The following ESRRB variants were observed in gnomAD, a reference collection of about 807,000 sequenced individuals.
The protein encoded by ESRRB is estrogen related receptor beta.
A neutral mutation model predicts 46.0 loss-of-function variants in ESRRB; 16 were observed. That is an observed-to-expected ratio of 0.35 (90% CI 0.24 to 0.53). The LOEUF (loss-of-function observed/expected upper bound fraction) is 0.53, where lower values mean the gene tolerates loss of function less well. ESRRB is among the 20% of genes least tolerant of loss of function. The probability of loss-of-function intolerance (pLI) is 0.93; values close to 1 mark genes in which losing one functional copy is unlikely to be tolerated. For missense variants in ESRRB, 488 were observed against 607.4 expected, an observed-to-expected ratio of 0.80 and a Z score of 2.07; for synonymous variants, 246 against 259.6, an observed-to-expected ratio of 0.95 and a Z score of 0.50.
chr14:76,323,933 A>C (rs1291647549), intron 1 of ESRRB, among the ~76,000 whole-genome samples: 3 of 152,160 alleles, frequency 2.0e-5, no homozygotes. Context: ...TGACGAAGGC[A>C]TGTAAGTATC....
intron 1 of ESRRB, chr14:76,404,265 T>C (rs1886073820): frequency 1.3e-5 from 2 of 151,898 alleles, no homozygotes; most frequent in South Asian, 2.1e-4. Context: ...AAACAGTGTG[T>C]CTGCATATGT....
intron 5 of ESRRB, among the ~76,000 whole-genome samples, chr14:76,486,707 A>G (rs1890036503): frequency 6.6e-6 from 1 of 152,184 alleles, no homozygotes; most frequent in Non-Finnish European, 1.5e-5. Flanking sequence ...AAGTGGGAGC[A>G]TGAGGAGCCA....
chr14:76,320,740 C>G (rs1555388772), intron 1 of ESRRB, among the ~76,000 whole-genome samples: 2 of 152,136 alleles, frequency 1.3e-5, no homozygotes, highest in Non-Finnish European at 2.9e-5. Flanking sequence ...CCTCATGGGT[C>G]AGGGGTGGTG....
intron 1 of ESRRB, among the ~76,000 whole-genome samples, chr14:76,363,424 T>G (rs993810806): frequency 7.2e-5 from 11 of 152,218 alleles, no homozygotes; most frequent in African/African-American, 2.7e-4. Flanking sequence ...TTCCTTTTCT[T>G]CACCTCCTCC....
chr14:76,405,159 G>A (rs1282877366), intron 1 of ESRRB, among the ~76,000 whole-genome samples: 1 of 152,086 alleles, frequency 6.6e-6, no homozygotes, highest in Non-Finnish European at 1.5e-5. Context: ...GGAGTGCAGT[G>A]GCGTGATCAG....
intron 1 of ESRRB, among the ~76,000 whole-genome samples, chr14:76,364,470 C>T (rs1191191103): frequency 1.3e-5 from 2 of 152,048 alleles, no homozygotes; most frequent in Non-Finnish European, 2.9e-5. Context: ...GGGTGGATCA[C>T]CTGAGATCAG....
intron 1 of ESRRB, among the ~76,000 whole-genome samples, chr14:76,423,300 C>T (rs1490418093): frequency 2.6e-5 from 4 of 152,010 alleles, no homozygotes; most frequent in East Asian, 1.9e-4. Context: ...TGTGCCACCA[C>T]ACCTGGCTAA....
rs766262301 is a variant in ESRRB, at chr14:76,499,930, C to G, written c.*1472C>G. On this transcript the variant is annotated 3_prime_UTR_variant, in exon 7 of 7. Coordinates refer to ENST00000644823, the MANE Select transcript of ESRRB (RefSeq NM_001379180.1). ...ATGTCAAGCCATGATGGAAAATGCC[C>G]CTTCCAATCAGCTGCCTTCACAAGC... 1 of 1,613,972 alleles carries G rather than the reference C, an allele frequency of 6.2e-7. No individual in the cohort carries two copies. The highest frequency in any genetic ancestry group is 1.7e-5 in the Admixed American group (1 of 60,000).
At chr14:76,346,629 T>A (rs1884253700) in intron 1 of ESRRB, among the ~76,000 whole-genome samples, 1 of 152,096 alleles carries the variant, frequency 6.6e-6, no homozygotes, top group African/African-American at 2.4e-5. Context: ...CTCCTTCCCA[T>A]CCCTCAGGCA....
At chr14:76,317,149 T>A (rs1170982138) in intron 1 of ESRRB, among the ~76,000 whole-genome samples, 4 of 127,886 alleles carry the variant, frequency 3.1e-5, no homozygotes, top group Non-Finnish European at 7.4e-5. Context: ...TGCTCTCGTT[T>A]GGAAGACAGG....
intron 1 of ESRRB, among the ~76,000 whole-genome samples, chr14:76,387,319 G>A (rs559048418): frequency 6.4e-4 from 97 of 152,308 alleles, no homozygotes; most frequent in South Asian, 2.5e-3. Context: ...TCACAGCCCC[G>A]GGTACGGGGA....
intron 1 of ESRRB, among the ~76,000 whole-genome samples, chr14:76,330,798 C>A (rs946873176): frequency 6.6e-6 from 1 of 152,042 alleles, no homozygotes; most frequent in East Asian, 1.9e-4. Flanking sequence ...CAAAGGGAGG[C>A]AGGTCTGGGG....
chr14:76,357,764 C>T lies in ESRRB; in HGVS notation c.2+46848C>T, dbSNP rs545989783. On this transcript the variant is annotated intron_variant, in intron 1 of 6. Coordinates refer to the ESRRB transcript ENST00000512784. Reference sequence around the variant, plus strand: ...TGCCTGGTCTCAGGTGATCCTCTCACCTTGGCCTCCCGAGTAGCTGGGATT... The same window carrying T: ...TGCCTGGTCTCAGGTGATCCTCTCATCTTGGCCTCCCGAGTAGCTGGGATT... Among the ~76,000 whole-genome samples, 8 of 152,316 alleles carry T rather than the reference C, an allele frequency of 5.3e-5. No homozygotes were observed. In the South Asian group the frequency reaches 1.7e-3, roughly 32 times the overall value.
chr14:76,323,766 C>T (rs1054856171), intron 1 of ESRRB, among the ~76,000 whole-genome samples: 2 of 152,136 alleles, frequency 1.3e-5, no homozygotes, highest in Admixed American at 6.5e-5. Context: ...GTCAACTTCC[C>T]GAGTGGTGGC....
At chr14:76,391,869 T>G (rs1885483463) in intron 1 of ESRRB, among the ~76,000 whole-genome samples, 1 of 152,126 alleles carries the variant, frequency 6.6e-6, no homozygotes, top group African/African-American at 2.4e-5. Flanking sequence ...AAGCCACACA[T>G]AGCTGGGGCA....
At chr14:76,317,310 CTGTGTGTGTGTGTGTGTG>C (rs4024313) in intron 1 of ESRRB, among the ~76,000 whole-genome samples, 15 of 134,444 alleles carry the variant, frequency 1.1e-4, no homozygotes, top group Non-Finnish European at 2.2e-4. Flanking sequence ...TGATTAGGCT[CTGTGTGTGTGTGTGTGTG>C]TGTGTGTGTG....
chr14:76,376,165 G>A lies in ESRRB; in HGVS notation c.-237G>A, dbSNP rs146480031. ...TCTCTTGTGCCCCAGCCTCCTCCAC[G>A]GCTTCGCATCCCCTCTGCCCGCTCT... On this transcript the variant is annotated 5_prime_UTR_variant, in exon 1 of 7. Transcript: ENST00000644823. The surrounding 1 kb of genome is among the most constrained non-coding windows in gnomAD (Gnocchi z 4.1). The A allele has an allele frequency of 2.7e-4, 105 of 386,774 alleles. No homozygotes were observed. The highest frequency in any genetic ancestry group is 2.1e-3 in the African/African-American group (101 of 48,418). The allele number at this position is 386,774 out of a possible 1,614,324, so 24.0% of individuals were successfully genotyped here.
Position 76,343,470 on chromosome 14 carries a change from G to A in ESRRB, c.2+32554G>A, listed in dbSNP as rs112871620. Among the ~76,000 whole-genome samples, 419 of 152,370 alleles carry A rather than the reference G, an allele frequency of 2.7e-3. 2 individuals carry two copies. The highest frequency in any genetic ancestry group is 0.01 in the Middle Eastern group (3 of 294). On this transcript the variant is annotated intron_variant, in intron 1 of 6. Transcript: ENST00000512784. Reference sequence around the variant, plus strand: ...TTTTGCTAACAAATCTGAAATGTGGGCAGGGCTTGGGGAGAGTGACTTGTC... The same window carrying A: ...TTTTGCTAACAAATCTGAAATGTGGACAGGGCTTGGGGAGAGTGACTTGTC...
chr14:76,454,653 C>A (rs1483107927), intron 2 of ESRRB, among the ~76,000 whole-genome samples: 1 of 152,028 alleles, frequency 6.6e-6, no homozygotes, highest in Non-Finnish European at 1.5e-5. Flanking sequence ...CTGCTGGAGC[C>A]TACAAACTGG....
Sources: allele counts gnomAD v4.1 joint callset (sites outside exome capture counted in the v4.1 genomes callset), GRCh38; gene constraint gnomAD v4.1.1; non-coding constraint Gnocchi (gnomAD v3.1); transcripts MANE v1.5; gene names NCBI Gene and HGNC (gene_info 2026-07-23, HGNC 2026-07-21).